AUTS2: variants seen among roughly 807,000 people sequenced by gnomAD.
The protein encoded by AUTS2 is autism susceptibility gene 2 protein.
Under a neutral mutation model 112.4 loss-of-function variants are expected in AUTS2, and 17 were observed. The observed-to-expected ratio is 0.15, with a 90% CI of 0.10 to 0.23. AUTS2 has a LOEUF of 0.23. Ranked by LOEUF, AUTS2 falls within the 10% of genes least tolerant of loss-of-function variation. The pLI, the probability that AUTS2 is intolerant of heterozygous loss-of-function variation, is 1.00. For synonymous variants in AUTS2, 751 were observed against 702.7 expected, an observed-to-expected ratio of 1.07 and a Z score of -1.09; for missense variants, 1,510 against 1,701.6, an observed-to-expected ratio of 0.89 and a Z score of 1.98.
chr7:70,542,504 G>T (rs1420812193), intron 5 of AUTS2, among the ~76,000 whole-genome samples: 1 of 152,246 alleles, frequency 6.6e-6, no homozygotes. Context: ...AAGGCTAGCA[G>T]TTACGCCAGG....
At chr7:70,345,375 C>G (rs531459740) in intron 4 of AUTS2, among the ~76,000 whole-genome samples, 4 of 152,232 alleles carry the variant, frequency 2.6e-5, no homozygotes, top group South Asian at 2.1e-4. Context: ...AGTTAACTTT[C>G]ATTCCTTCAG....
chr7:70,574,182 G>A (rs1188979547), intron 5 of AUTS2, among the ~76,000 whole-genome samples: 8 of 152,198 alleles, frequency 5.3e-5, no homozygotes, highest in Non-Finnish European at 7.4e-5. Flanking sequence ...TGTGTAAGGG[G>A]GCATCTTACC....
At chr7:69,763,824 C>CT (rs1324877766) in intron 1 of AUTS2, among the ~76,000 whole-genome samples, 1 of 152,166 alleles carries the variant, frequency 6.6e-6, no homozygotes, top group Non-Finnish European at 1.5e-5. Context: ...AGCTCATGTT[C>CT]TCCTTAACTA....
chr7:69,942,007 T>TAAG, intron 2 of AUTS2, among the ~76,000 whole-genome samples: 1 of 152,210 alleles, frequency 6.6e-6, no homozygotes, highest in East Asian at 1.9e-4. Context: ...CATGAGCCCT[T>TAAG]CCATCAGGCA....
At chr7:70,386,264 T>G (rs1379373430) in intron 4 of AUTS2, among the ~76,000 whole-genome samples, 1 of 152,202 alleles carries the variant, frequency 6.6e-6, no homozygotes, top group East Asian at 1.9e-4. Flanking sequence ...TTGCAAGACA[T>G]AAAACCAAGA....
chr7:70,043,791 TAG>T (rs919631016), intron 2 of AUTS2, among the ~76,000 whole-genome samples: 9 of 152,112 alleles, frequency 5.9e-5, no homozygotes, highest in Admixed American at 1.3e-4. Flanking sequence ...GTATTTTCAG[TAG>T]AGACAGGGTT....
At chr7:70,121,214 C>T (rs1805665569) in intron 3 of AUTS2, among the ~76,000 whole-genome samples, 1 of 152,048 alleles carries the variant, frequency 6.6e-6, no homozygotes, top group Non-Finnish European at 1.5e-5. Context: ...GAATCAATGA[C>T]CAAAATATAA....
chr7:70,623,962 A>G (rs1432939011), intron 5 of AUTS2, among the ~76,000 whole-genome samples: 1 of 152,236 alleles, frequency 6.6e-6, no homozygotes, highest in Non-Finnish European at 1.5e-5. Context: ...AGATCTGCCA[A>G]GGGAGATACT....
chr7:69,687,842 C>T (rs1423393306), intron 1 of AUTS2, among the ~76,000 whole-genome samples: 2 of 152,146 alleles, frequency 1.3e-5, no homozygotes, highest in African/African-American at 2.4e-5. Context: ...TTTCCTTCTC[C>T]TTTGCTTTGC....
At chr7:70,765,593 C>G (rs916037502) in intron 8 of AUTS2, among the ~76,000 whole-genome samples, 1 of 152,184 alleles carries the variant, frequency 6.6e-6, no homozygotes, top group African/African-American at 2.4e-5. Flanking sequence ...GCCGCCAATA[C>G]AGAGAGCCAT....
chr7:70,432,633 G>C (rs940406419), intron 4 of AUTS2, among the ~76,000 whole-genome samples: 18 of 152,190 alleles, frequency 1.2e-4, no homozygotes, highest in African/African-American at 4.3e-4. Context: ...TATGTGTCGA[G>C]CTTCTGGCTT....
At chr7:70,640,952 C>T (rs1805796133) in intron 5 of AUTS2, among the ~76,000 whole-genome samples, 1 of 152,146 alleles carries the variant, frequency 6.6e-6, no homozygotes, top group Non-Finnish European at 1.5e-5. Context: ...TTCCACATGG[C>T]AGCCAGTGTG....
chr7:69,924,147 T>C (rs746079118), intron 2 of AUTS2, among the ~76,000 whole-genome samples: 1 of 148,814 alleles, frequency 6.7e-6, no homozygotes, highest in Non-Finnish European at 1.5e-5. Context: ...TAATCAAGAA[T>C]GCATGTTATA....
intron 2 of AUTS2, among the ~76,000 whole-genome samples, chr7:70,061,896 T>C (rs1802265504): frequency 6.6e-6 from 1 of 151,756 alleles, no homozygotes; most frequent in Non-Finnish European, 1.5e-5. Context: ...CAAGCAATTC[T>C]CCCACCTCAG....
intron 6 of AUTS2, among the ~76,000 whole-genome samples, chr7:70,741,137 G>A (rs1788082618): frequency 6.6e-6 from 1 of 151,566 alleles, no homozygotes; most frequent in African/African-American, 2.4e-5. Context: ...TTTTCCCTGG[G>A]ATGACTGTTG....
chr7:70,606,511 A>G lies in AUTS2; in HGVS notation c.691-92058A>G, dbSNP rs187107860. Reference sequence around the variant, plus strand: ...AAAAAGTAGACATGAAGCTTCATGAAGCTTATATTATAGTGCAGCGCCCAT... The same window carrying G: ...AAAAAGTAGACATGAAGCTTCATGAGGCTTATATTATAGTGCAGCGCCCAT... On this transcript the variant is annotated intron_variant, in intron 5 of 18. Coordinates refer to ENST00000342771, the MANE Select transcript of AUTS2 (RefSeq NM_015570.4). Among the ~76,000 whole-genome samples the G allele has an allele frequency of 7.7e-3, 1,171 of 152,280 alleles. 13 individuals carry two copies. The highest frequency in any genetic ancestry group is 0.027 in the African/African-American group (1,113 of 41,560).
chr7:69,883,959 G>A (rs1050863722), intron 1 of AUTS2, among the ~76,000 whole-genome samples: 2 of 152,192 alleles, frequency 1.3e-5, no homozygotes, highest in African/African-American at 4.8e-5. Flanking sequence ...TGCTGAGCCT[G>A]TGGTGACATC....
At chr7:70,211,331 AT>A (rs67312947) in intron 4 of AUTS2, among the ~76,000 whole-genome samples, 104,933 of 142,984 alleles carry the variant, frequency 0.73, 37,558 homozygotes, top group East Asian at 0.79. Flanking sequence ...ATTTAAAAGA[AT>A]TTTTTTTTTT....
chr7:70,380,898 G>A (rs1230619626), intron 4 of AUTS2, among the ~76,000 whole-genome samples: 1 of 152,172 alleles, frequency 6.6e-6, no homozygotes, highest in Non-Finnish European at 1.5e-5. Flanking sequence ...TCAGAAATAT[G>A]CTATCAAACA....
Sources: gnomAD v4.1 joint callset for allele counts (sites outside exome capture counted in the v4.1 genomes callset) on GRCh38, gnomAD v4.1.1 for gene constraint, MANE v1.5 for transcripts, NCBI Gene and HGNC (gene_info 2026-07-23, HGNC 2026-07-21) for gene names.